Variants in FBLN2 observed in about 807,000 individuals in gnomAD.
The protein encoded by FBLN2 is fibulin 2, also known as fibulin-2.
FBLN2 carries 81 observed loss-of-function variants against 123.7 expected under a neutral mutation model. The ratio of observed to expected loss-of-function variants is 0.65; its 90% confidence interval spans 0.55 to 0.79. FBLN2 has a LOEUF of 0.79. FBLN2 is among the 30% of genes least tolerant of loss of function. The probability of loss-of-function intolerance (pLI) is 0.00; values close to 1 mark genes in which losing one functional copy is unlikely to be tolerated. For synonymous variants in FBLN2, 699 were observed against 701.4 expected (o/e 1.00, Z 0.05); for missense variants, 1,603 against 1,681.3 (o/e 0.95, Z 0.81).
In FBLN2 at chr3:13,636,682, C is replaced by T. The variant is rs112637523; in HGVS notation, c.3338+114C>T. 8.6e-3 allele frequency: 11,176 copies of T among 1,292,352 alleles called. 74 individuals carry two copies. Among genetic ancestry groups the T allele is most frequent in the Middle Eastern group, 0.019 (98 of 5,264 alleles). 80.1% of individuals were successfully genotyped at this position (1,292,352 alleles called of 1,614,324 possible). A position where few individuals can be genotyped will look rare whatever the true frequency, so the allele number is the denominator to read the frequency against. ...TGATCACCTCCCTCTCGTCCCAGCC[C>T]CTGACTGCTGGGTCTGTGGGCTAGG... On this transcript the variant is annotated intron_variant, in intron 17 of 17. Transcript: ENST00000404922.
At chr3:13,590,472 C>T (rs544024810) in intron 2 of FBLN2, among the ~76,000 whole-genome samples, 2 of 152,196 alleles carry the variant, frequency 1.3e-5, no homozygotes, top group Admixed American at 1.3e-4. Context: ...ACTACAGGTG[C>T]CCACCACGAT....
chr3:13,604,284 T>C (rs1705133954), intron 2 of FBLN2, among the ~76,000 whole-genome samples: 1 of 152,224 alleles, frequency 6.6e-6, no homozygotes, highest in Non-Finnish European at 1.5e-5. Context: ...TTGCTTTTGG[T>C]GTTTTAGACA....
At chr3:13,625,366 T>G (rs1018538602) in intron 9 of FBLN2, among the ~76,000 whole-genome samples, 2 of 152,142 alleles carry the variant, frequency 1.3e-5, no homozygotes, top group African/African-American at 4.8e-5. Flanking sequence ...ATCCCTGGAA[T>G]CTCCCAGGAG....
intron 1 of FBLN2, among the ~76,000 whole-genome samples, chr3:13,558,983 T>C (rs940722374): frequency 2.6e-5 from 4 of 152,028 alleles, no homozygotes; most frequent in Non-Finnish European, 5.9e-5. Flanking sequence ...GAGAGAGTTT[T>C]CCAGTTTAGC....
At chr3:13,614,912 C>T (rs1705542212) in intron 5 of FBLN2, among the ~76,000 whole-genome samples, 1 of 150,162 alleles carries the variant, frequency 6.7e-6, no homozygotes, top group Non-Finnish European at 1.5e-5. Flanking sequence ...ATCCATCCAT[C>T]CATCCATCCA....
intron 9 of FBLN2, among the ~76,000 whole-genome samples, chr3:13,622,314 C>T (rs1242510190): frequency 6.6e-6 from 1 of 152,194 alleles, no homozygotes; most frequent in Admixed American, 6.5e-5. Flanking sequence ...ACTCGTCTTC[C>T]CCCAGCTGTG....
chr3:13,626,556 C>T lies in FBLN2; in HGVS notation c.2408C>T (p.Ala803Val). The change falls in exon 10 of 18, where the codon GCC (alanine) becomes GTC (valine). Residue 803 changes from alanine (A) to valine (V), a missense_variant. By Grantham distance (64) the Ala-to-Val change is moderately conservative (BLOSUM62 0). Transcript: ENST00000404922. The stretch of plus-strand genomic sequence containing the variant: ...GCACTCACCTGTGAGCCAGGCTATG[C>T]CCTCAAGGATGGCGAGTGCGAAGGT... ...YKALTCEPGY[A>V]LKDGECEDVD... The T allele has an allele frequency of 6.4e-7, 1 of 1,550,966 alleles. No individual in the cohort carries two copies. Among genetic ancestry groups the T allele is most frequent in the Non-Finnish European group, 8.7e-7 (1 of 1,146,554 alleles).
chr3:13,635,111 C>A (rs142087165), intron 16 of FBLN2, among the ~76,000 whole-genome samples: 1,922 of 152,230 alleles, frequency 0.013, 53 homozygotes, highest in African/African-American at 0.043. Context: ...ACACCCTCCT[C>A]TGTCTGAGGA....
At chr3:13,568,666 T>C in intron 1 of FBLN2, 1 of 354,854 alleles carries the variant, frequency 2.8e-6, no homozygotes, top group Non-Finnish European at 3.5e-6. Context: ...GACGCCCTCC[T>C]CAGAGAAGCC....
chr3:13,570,985 A>G lies in FBLN2; in HGVS notation c.630A>G (p.Thr210=), dbSNP rs1574950359. ...AGGTGGCCGAGGTGGAAGCAGCAAC[A>G]GCCCTGGGGGGTGAGGTCCAGGCGG... ...DQEVAEVEAA[T]ALGGEVQAGA... Residue 210 remains threonine, a synonymous_variant, in exon 2 of 18, where the codon ACA becomes ACG. Transcript: ENST00000404922. The G allele has an allele frequency of 6.2e-7, 1 of 1,608,922 alleles. No homozygotes were observed. Among genetic ancestry groups the G allele is most frequent in the African/African-American group, 1.3e-5 (1 of 74,948 alleles).
intron 2 of FBLN2, among the ~76,000 whole-genome samples, chr3:13,604,863 C>T (rs1057442313): frequency 7.2e-5 from 11 of 152,248 alleles, no homozygotes; most frequent in Non-Finnish European, 4.4e-5. Context: ...CCTGCTAAGG[C>T]AACGCAGCCG....
At chr3:13,618,820 A>G in intron 6 of FBLN2, 84 bp from the exon 7 acceptor site, 1 of 893,274 alleles carries the variant, frequency 1.1e-6, no homozygotes, top group Non-Finnish European at 1.8e-6. Context: ...CCTGTGTGAG[A>G]AGGGCAGGTG....
At chr3:13,620,497 T>C (rs1234682441) in intron 8 of FBLN2, among the ~76,000 whole-genome samples, 1 of 152,182 alleles carries the variant, frequency 6.6e-6, no homozygotes, top group African/African-American at 2.4e-5. Context: ...TCACATACCT[T>C]CCACCCCCGT....
chr3:13,614,028 G>A lies in FBLN2; in HGVS notation c.1593G>A (p.Glu531=). The change falls in exon 5 of 18, where the codon GAG becomes GAA. Residue 531 remains glutamate (E), a synonymous_variant. Coordinates refer to ENST00000404922, the MANE Select transcript of FBLN2 (RefSeq NM_001004019.2). ...CCGLGLRVRA[E]GQSCESNPNL... is the part of the protein sequence containing the mutation. ...GCCTGGGCCTCCGCGTGCGGGCCGA[G>A]GGCCAGTCGTGTGAGTCCAATCCTA... 6 of 1,613,420 alleles carry A rather than the reference G, an allele frequency of 3.7e-6. No homozygotes were observed. Among genetic ancestry groups the A allele is most frequent in the Non-Finnish European group, 5.1e-6 (6 of 1,179,888 alleles).
At chr3:13,631,528 G>C in intron 16 of FBLN2, 71 bp downstream of exon 16, 1 of 1,496,380 alleles carries the variant, frequency 6.7e-7, no homozygotes, top group Non-Finnish European at 9.0e-7. Flanking sequence ...GCACAGAAAA[G>C]CTCACACAGC....
At chr3:13,625,794 T>A (rs1342429344) in intron 9 of FBLN2, among the ~76,000 whole-genome samples, 1 of 151,230 alleles carries the variant, frequency 6.6e-6, no homozygotes, top group Non-Finnish European at 1.5e-5. Context: ...TCCAAATAAA[T>A]AAGACCACTT....
chr3:13,626,755 C>T (rs974993796), intron 10 of FBLN2, among the ~76,000 whole-genome samples, 176 bp downstream of exon 10: 1 of 152,080 alleles, frequency 6.6e-6, no homozygotes, highest in African/African-American at 2.4e-5. Flanking sequence ...GGTGGGAAGA[C>T]CCCACAATGG....
At chr3:13,563,090 G>C (rs2125037131) in intron 1 of FBLN2, among the ~76,000 whole-genome samples, 1 of 152,334 alleles carries the variant, frequency 6.6e-6, no homozygotes, top group East Asian at 1.9e-4. Flanking sequence ...AGTGAACTTG[G>C]ATGCGCAAAT....
At chr3:13,635,419 AC>A (rs1706426826) in intron 16 of FBLN2, among the ~76,000 whole-genome samples, 1 of 150,252 alleles carries the variant, frequency 6.7e-6, no homozygotes, top group Non-Finnish European at 1.5e-5. Context: ...CCCCTACCCC[AC>A]CCCTGCTTCT....
Sources: allele counts gnomAD v4.1 joint callset (sites outside exome capture counted in the v4.1 genomes callset), GRCh38; gene constraint gnomAD v4.1.1; transcripts MANE v1.5; gene names NCBI Gene and HGNC (gene_info 2026-07-23, HGNC 2026-07-21).